Variants in ZFYVE21 observed in about 807,000 individuals in gnomAD.
The protein encoded by ZFYVE21 is zinc finger FYVE-type containing 21.
In ZFYVE21, 21 loss-of-function variants were observed where a neutral mutation model predicts 29.5. The observed-to-expected ratio is 0.71, with a 90% CI of 0.50 to 1.02. ZFYVE21 has a LOEUF of 1.02. Ranked by LOEUF, ZFYVE21 falls within the 50% of genes least tolerant of loss-of-function variation. ZFYVE21 has a pLI of 0.00. For missense variants in ZFYVE21, 326 were observed against 335.4 expected, an observed-to-expected ratio of 0.97 and a Z score of 0.22; for synonymous variants, 151 against 133.8, an observed-to-expected ratio of 1.13 and a Z score of -0.89.
Position 103,718,776 on chromosome 14 carries a change from G to A in ZFYVE21, c.138+2797G>A, listed in dbSNP as rs564829422. ...TGTGCACCCCTCCCACCTCCCATCC[G>A]TGGTGCTGGCAGAAGAATGACCGCA... On this transcript the variant is annotated intron_variant, in intron 1 of 6. Transcript: ENST00000311141. Among the ~76,000 whole-genome samples the A allele has an allele frequency of 4.4e-3, 677 of 152,300 alleles. 2 individuals carry two copies. The highest frequency in any genetic ancestry group is 7.1e-3 in the Non-Finnish European group (484 of 68,018).
At chr14:103,729,983 A>G (rs1272134103) in intron 5 of ZFYVE21, 1 of 985,020 alleles carries the variant, frequency 1.0e-6, no homozygotes, top group East Asian at 2.6e-5. Flanking sequence ...TGGTTGACTT[A>G]AGAGAGATGT....
At chr14:103,732,806 CA>C in intron 6 of ZFYVE21, 44 bp downstream of exon 6, 4 of 1,603,028 alleles carry the variant, frequency 2.5e-6, no homozygotes, top group Non-Finnish European at 3.4e-6. Context: ...TTGGCTTAGA[CA>C]AAAGCTTGCC....
intron 1 of ZFYVE21, among the ~76,000 whole-genome samples, chr14:103,717,088 C>G (rs112965173): frequency 1.3e-5 from 2 of 152,072 alleles, no homozygotes; most frequent in Non-Finnish European, 2.9e-5. Context: ...GGGGGGTGAG[C>G]GGCCACAGAG....
chr14:103,719,138 C>T (rs1304353826), intron 1 of ZFYVE21, among the ~76,000 whole-genome samples: 5 of 151,998 alleles, frequency 3.3e-5, no homozygotes, highest in Non-Finnish European at 7.4e-5. Context: ...ATTAGCTGGG[C>T]GTGGTGATGA....
Position 103,719,318 on chromosome 14 carries a change from G to A in ZFYVE21, c.138+3339G>A, listed in dbSNP as rs180876878. The stretch of plus-strand genomic sequence containing the variant: ...ATAATAAAAATTCAAAAATTAGTCG[G>A]GCGTGGTGGTGTGTGCCTGTATCCC... On this transcript the variant is annotated intron_variant, in intron 1 of 6. Coordinates refer to ENST00000311141, the MANE Select transcript of ZFYVE21 (RefSeq NM_024071.4). Among the ~76,000 whole-genome samples, 142 of 152,076 alleles carry A rather than the reference G, an allele frequency of 9.3e-4. 1 individual carries two copies. Among genetic ancestry groups the A allele is most frequent in the Admixed American group, 7.5e-3 (114 of 15,272 alleles).
intron 5 of ZFYVE21, 183 bp from the exon 6 acceptor site, chr14:103,732,437 G>C: frequency 3.2e-6 from 2 of 622,638 alleles, no homozygotes; most frequent in Non-Finnish European, 4.9e-6. Flanking sequence ...GTGAGCTTGG[G>C]GTCTCCCCTC....
chr14:103,729,347 A>G, intron 5 of ZFYVE21, 165 bp downstream of exon 5: 2 of 669,076 alleles, frequency 3.0e-6, no homozygotes, highest in Non-Finnish European at 5.0e-6. Context: ...GTATTTACTC[A>G]GTGGCTTTAG....
chr14:103,732,442 C>T (rs926693178), intron 5 of ZFYVE21, 178 bp from the exon 6 acceptor site: 36 of 659,712 alleles, frequency 5.5e-5, no homozygotes, highest in Non-Finnish European at 7.5e-5. Context: ...CTTGGGGTCT[C>T]CCCTCAGAGG....
intron 1 of ZFYVE21, among the ~76,000 whole-genome samples, chr14:103,720,473 G>A (rs867371443): frequency 2.0e-5 from 3 of 152,232 alleles, no homozygotes; most frequent in East Asian, 1.9e-4. Flanking sequence ...CTCAGAGTGC[G>A]TGGTGGGGCC....
chr14:103,726,785 T>A lies in ZFYVE21; in HGVS notation c.139-7T>A. 1 of 1,613,994 alleles carries A rather than the reference T, an allele frequency of 6.2e-7. No individual in the cohort carries two copies. The highest frequency in any genetic ancestry group is 8.5e-7 in the Non-Finnish European group (1 of 1,179,920). On this transcript the variant is annotated splice_region_variant and splice_polypyrimidine_tract_variant and intron_variant, in intron 1 of 6. Coordinates refer to ENST00000311141, the MANE Select transcript of ZFYVE21 (RefSeq NM_024071.4). ...TGCGTTTTAACGCTTTGTCGTGTCT[T>A]TCCTAGTGTCGGAGATGTATGCAGT...
Position 103,716,588 on chromosome 14 carries a change from C to T in ZFYVE21, c.138+609C>T, listed in dbSNP as rs1444088276. Among the ~76,000 whole-genome samples the T allele has an allele frequency of 6.6e-6, 1 of 152,232 alleles. No homozygotes were observed. Among genetic ancestry groups the T allele is most frequent in the Non-Finnish European group, 1.5e-5 (1 of 68,038 alleles). On this transcript the variant is annotated intron_variant, in intron 1 of 6. Transcript: ENST00000311141. The surrounding 1 kb of genome is among the most constrained non-coding windows in gnomAD (Gnocchi z 4.8). ...CCCGTTTCCCTTCGTCTATACCACC[C>T]TCCACCTCGGAAGCGAGGTCGCAGT...
chr14:103,720,925 C>G (rs936709668), intron 1 of ZFYVE21, among the ~76,000 whole-genome samples: 2 of 152,186 alleles, frequency 1.3e-5, no homozygotes, highest in Non-Finnish European at 2.9e-5. Context: ...CGGGTTCAAG[C>G]CATTCTCCTG....
chr14:103,729,495 C>A (rs899202420), intron 5 of ZFYVE21: 6 of 570,712 alleles, frequency 1.1e-5, no homozygotes, highest in Non-Finnish European at 1.5e-5. Context: ...AAGGATAAAG[C>A]CCCAAATGCA....
chr14:103,722,478 C>T (rs1258697323), intron 1 of ZFYVE21, among the ~76,000 whole-genome samples: 1 of 151,570 alleles, frequency 6.6e-6, no homozygotes, highest in African/African-American at 2.4e-5. Context: ...GCTCTGCCTC[C>T]CAAGTAGCTG....
In ZFYVE21 at chr14:103,716,713, G is replaced by T. The variant is rs1173519889; in HGVS notation, c.138+734G>T. Among the ~76,000 whole-genome samples, 1 of 152,202 alleles carries T rather than the reference G, an allele frequency of 6.6e-6. No homozygotes were observed. The highest frequency in any genetic ancestry group is 1.5e-5 in the Non-Finnish European group (1 of 68,028). ...CCAGGCCACTCCTGCAGACATTGGG[G>T]CGTGGGCGTGGGGTCCCTGAGCCAG... is the stretch of plus-strand genomic sequence containing the variant. On this transcript the variant is annotated intron_variant, in intron 1 of 6. Transcript: ENST00000311141. This position sits in a 1 kb window ranked among gnomAD's most constrained non-coding sequence, Gnocchi z 4.8.
chr14:103,726,720 G>C lies in ZFYVE21; in HGVS notation c.139-72G>C. 28 of 1,589,054 alleles carry C rather than the reference G, an allele frequency of 1.8e-5. No homozygotes were observed. In the South Asian group the frequency reaches 3.1e-4, roughly 18 times the overall value. ...GTGGCAGGGCCCAGCTTTCTCAGCA[G>C]CCCGTGGTCGTGCCCCAGCGACGTG... On this transcript the variant is annotated intron_variant, in intron 1 of 6. Transcript: ENST00000311141.
Position 103,732,766 on chromosome 14 carries a change from C to T in ZFYVE21, c.669+4C>T, listed in dbSNP as rs774280964. ...GTGGCTAGTGGCCATGCACAAGGTA[C>T]CTGAGCCCAGGCCAGGGAGGCTGGG... On this transcript the variant is annotated splice_donor_region_variant and intron_variant, in intron 6 of 6. Transcript: ENST00000311141. 6.8e-6 allele frequency: 11 copies of T among 1,611,588 alleles called. No homozygotes were observed. The South Asian group carries it at 1.1e-4, about 16-fold the overall frequency.
intron 5 of ZFYVE21, chr14:103,730,989 C>G (rs2083968241): frequency 6.6e-6 from 1 of 152,406 alleles, no homozygotes; most frequent in Admixed American, 6.5e-5. Flanking sequence ...GGTGCGTGCC[C>G]TAACCACAGA....
chr14:103,726,541 C>T (rs1056359876), intron 1 of ZFYVE21: 17 of 504,216 alleles, frequency 3.4e-5, no homozygotes, highest in African/African-American at 2.6e-4. Context: ...CCCAAGCCCA[C>T]CTCAGGCCCC....
Sources: allele counts gnomAD v4.1 joint callset (sites outside exome capture counted in the v4.1 genomes callset), GRCh38; gene constraint gnomAD v4.1.1; non-coding constraint Gnocchi (gnomAD v3.1); transcripts MANE v1.5; gene names NCBI Gene and HGNC (gene_info 2026-07-23, HGNC 2026-07-21).